FOXN3: variants seen among roughly 807,000 people sequenced by gnomAD.
FOXN3 encodes forkhead box N3, also known as forkhead box protein N3.
A neutral mutation model predicts 38.4 loss-of-function variants in FOXN3; 7 were observed. The observed-to-expected ratio is 0.18, with a 90% CI of 0.10 to 0.34. The LOEUF (loss-of-function observed/expected upper bound fraction) is 0.34. Among genes scored for constraint, FOXN3 ranks in the 10% least tolerant of loss-of-function variants. The probability of loss-of-function intolerance (pLI) is 1.00; values close to 1 mark genes in which losing one functional copy is unlikely to be tolerated. For missense variants in FOXN3, 456 were observed against 613.4 expected, an observed-to-expected ratio of 0.74 and a Z score of 2.71; for synonymous variants, 230 against 242.2, an observed-to-expected ratio of 0.95 and a Z score of 0.47.
chr14:89,399,175 G>A (rs1174035621), intron 2 of FOXN3, among the ~76,000 whole-genome samples: 1 of 152,198 alleles, frequency 6.6e-6, no homozygotes, highest in African/African-American at 2.4e-5. Flanking sequence ...CCCAGGAAAA[G>A]GACAAGTCCT....
intron 4 of FOXN3, among the ~76,000 whole-genome samples, chr14:89,194,686 TA>T (rs1249437392): frequency 2.0e-5 from 3 of 148,998 alleles, no homozygotes; most frequent in Non-Finnish European, 4.4e-5. Flanking sequence ...CCCTTTTTAT[TA>T]AAAGTCATGA....
intron 4 of FOXN3, among the ~76,000 whole-genome samples, chr14:89,269,916 G>A (rs943141458): frequency 1.3e-5 from 2 of 152,160 alleles, no homozygotes; most frequent in African/African-American, 4.8e-5. Flanking sequence ...TGTCTTCAGG[G>A]AGGTGGATTT....
chr14:89,166,632 T>A (rs1370274240), intron 5 of FOXN3, among the ~76,000 whole-genome samples: 1 of 152,214 alleles, frequency 6.6e-6, no homozygotes, highest in Non-Finnish European at 1.5e-5. Flanking sequence ...CATCCACTGA[T>A]AATATTTCTG....
At chr14:89,392,734 A>G (rs1890986373) in intron 2 of FOXN3, among the ~76,000 whole-genome samples, 3 of 144,702 alleles carry the variant, frequency 2.1e-5, no homozygotes, top group Non-Finnish European at 4.5e-5. Flanking sequence ...TCCGACCCCC[A>G]GGTTCAAGCA....
intron 1 of FOXN3, among the ~76,000 whole-genome samples, chr14:89,514,041 T>C (rs1189818222): frequency 6.6e-6 from 1 of 152,120 alleles, no homozygotes; most frequent in African/African-American, 2.4e-5. Flanking sequence ...TCTTCCAGGA[T>C]GCAAGTGGCT....
intron 1 of FOXN3, among the ~76,000 whole-genome samples, chr14:89,526,371 T>A (rs571156850): frequency 2.5e-4 from 38 of 152,000 alleles, no homozygotes; most frequent in Admixed American, 1.8e-3. Flanking sequence ...TCCCAAAGAA[T>A]CTACAGAAAA....
In FOXN3 at chr14:89,159,582, G is replaced by A. The variant is rs946522604; in HGVS notation, c.*2832C>T. ...CTGCCCCTTTAGAAAAATGAAATGA[G>A]GGGAGACAGCCCACGGTGGGGGTTT... On this transcript the variant is annotated 3_prime_UTR_variant, in exon 6 of 6. Coordinates refer to ENST00000557258, the MANE Select transcript of FOXN3 (RefSeq NM_005197.4). 6.6e-6 allele frequency: 1 copy of A among 152,418 alleles called. No homozygotes were observed. Among genetic ancestry groups the A allele is most frequent in the Non-Finnish European group, 1.5e-5 (1 of 68,048 alleles). 9.4% of individuals were successfully genotyped at this position (152,418 alleles called of 1,614,324 possible). A position where few individuals can be genotyped will look rare whatever the true frequency, so the allele number is the denominator to read the frequency against.
chr14:89,468,498 G>A (rs1250410604), intron 1 of FOXN3, among the ~76,000 whole-genome samples: 3 of 151,630 alleles, frequency 2.0e-5, no homozygotes, highest in Non-Finnish European at 4.4e-5. Context: ...CACTTGGTTT[G>A]TACTCCACAC....
chr14:89,244,559 T>C (rs1157687119), intron 4 of FOXN3, among the ~76,000 whole-genome samples: 2 of 152,164 alleles, frequency 1.3e-5, no homozygotes, highest in Non-Finnish European at 2.9e-5. Flanking sequence ...AAAGCTGAAA[T>C]ACAAAAAGAA....
intron 4 of FOXN3, among the ~76,000 whole-genome samples, chr14:89,187,803 C>T (rs962892275): frequency 4.6e-5 from 7 of 152,090 alleles, no homozygotes; most frequent in African/African-American, 7.2e-5. Context: ...ACAGAGAAGA[C>T]GCTCCATGCA....
intron 1 of FOXN3, among the ~76,000 whole-genome samples, chr14:89,488,837 C>T (rs559853606): frequency 1.3e-4 from 20 of 152,216 alleles, no homozygotes; most frequent in Non-Finnish European, 2.2e-4. Flanking sequence ...TACCACGCCT[C>T]GACAGCCCCT....
intron 1 of FOXN3, among the ~76,000 whole-genome samples, chr14:89,581,597 C>G (rs542326114): frequency 6.6e-6 from 1 of 152,280 alleles, no homozygotes; most frequent in South Asian, 2.1e-4. Context: ...GCTCTTTTCC[C>G]TCAAAACCAA....
chr14:89,317,045 T>C (rs1048037360), intron 3 of FOXN3, among the ~76,000 whole-genome samples: 7 of 152,184 alleles, frequency 4.6e-5, no homozygotes, highest in African/African-American at 1.2e-4. Flanking sequence ...TTCTATGCAG[T>C]AGAACCTGCA....
intron 1 of FOXN3, among the ~76,000 whole-genome samples, chr14:89,580,118 T>C (rs1895715079): frequency 1.3e-5 from 2 of 152,162 alleles, no homozygotes; most frequent in Admixed American, 6.5e-5. Context: ...AAACACCAGA[T>C]TGGTATTTCT....
chr14:89,424,386 G>T (rs777644755), intron 1 of FOXN3, among the ~76,000 whole-genome samples: 3 of 152,174 alleles, frequency 2.0e-5, no homozygotes, highest in Non-Finnish European at 4.4e-5. Context: ...GGGACAAAAC[G>T]ATCCCCTTCT....
intron 1 of FOXN3, among the ~76,000 whole-genome samples, chr14:89,492,323 G>A (rs1421275826): frequency 4.6e-5 from 7 of 152,164 alleles, no homozygotes; most frequent in African/African-American, 1.7e-4. Context: ...GCCAGGGCAT[G>A]GGGACAGAGG....
At chr14:89,376,990 C>T (rs369498592) in intron 2 of FOXN3, among the ~76,000 whole-genome samples, 41 of 111,314 alleles carry the variant, frequency 3.7e-4, no homozygotes, top group East Asian at 2.7e-3. Flanking sequence ...CATTGCACTC[C>T]GGCCTGAGCA....
At position 89,542,335 on chromosome 14, in the gene FOXN3, A is replaced by C. The variant is rs575905887; in HGVS notation, c.-15+76693T>G. On this transcript the variant is annotated intron_variant, in intron 1 of 6. Coordinates refer to the FOXN3 transcript ENST00000345097. ...CTGAGTCTGTTTAGTAAACACTATT[A>C]ATTTGTTCCCTTAACCGTAAACATC... 1.1e-4 allele frequency among the ~76,000 whole-genome samples: 17 copies of C among 152,332 alleles called. 1 individual carries two copies. In the Middle Eastern group the frequency reaches 0.01, roughly 91 times the overall value.
intron 2 of FOXN3, among the ~76,000 whole-genome samples, chr14:89,408,041 G>T (rs996118426): frequency 1.3e-5 from 2 of 152,130 alleles, no homozygotes; most frequent in African/African-American, 4.8e-5. Context: ...TCCTTTCAGA[G>T]ATAAAACGAA....
Sources: gnomAD v4.1 joint callset for allele counts (sites outside exome capture counted in the v4.1 genomes callset) on GRCh38, gnomAD v4.1.1 for gene constraint, MANE v1.5 for transcripts, NCBI Gene and HGNC (gene_info 2026-07-23, HGNC 2026-07-21) for gene names.